Variants in SWAP70 observed in about 807,000 individuals in gnomAD.
The protein encoded by SWAP70 is switch-associated protein 70.
In SWAP70, 34 loss-of-function variants were observed where a neutral mutation model predicts 80.2. The ratio of observed to expected loss-of-function variants is 0.42; its 90% confidence interval spans 0.32 to 0.56. The LOEUF (loss-of-function observed/expected upper bound fraction) is 0.56. SWAP70 is among the 20% of genes least tolerant of loss of function. The probability of loss-of-function intolerance (pLI) is 0.09; values close to 1 mark genes in which losing one functional copy is unlikely to be tolerated. For missense variants in SWAP70, 578 were observed against 690.7 expected (o/e 0.84, Z 1.83); for synonymous variants, 239 against 238.5 (o/e 1.00, Z -0.02).
chr11:9,687,509 T>C (rs1487519687), intron 1 of SWAP70, among the ~76,000 whole-genome samples: 3 of 152,174 alleles, frequency 2.0e-5, no homozygotes, highest in African/African-American at 4.8e-5. Flanking sequence ...TAAAAGAAAA[T>C]ATAAGCATTT....
chr11:9,740,526 T>C (rs912870725), intron 9 of SWAP70, 179 bp downstream of exon 9: 3 of 677,808 alleles, frequency 4.4e-6, no homozygotes, highest in Admixed American at 2.4e-5. Flanking sequence ...AGTGTTTCTT[T>C]TCATTCTGAG....
intron 1 of SWAP70, among the ~76,000 whole-genome samples, chr11:9,683,856 C>A (rs1293077783): frequency 6.6e-6 from 1 of 152,084 alleles, no homozygotes; most frequent in Admixed American, 6.6e-5. Context: ...AGTGGTGCAT[C>A]TCTGTGTCTA....
At chr11:9,680,595 T>C (rs1590014368) in intron 1 of SWAP70, among the ~76,000 whole-genome samples, 1 of 152,074 alleles carries the variant, frequency 6.6e-6, no homozygotes, top group Admixed American at 6.6e-5. Context: ...TTTGTGTTTT[T>C]AGTAGAGAAA....
intron 7 of SWAP70, among the ~76,000 whole-genome samples, 193 bp downstream of exon 7, chr11:9,732,903 T>C (rs554391541): frequency 6.6e-6 from 1 of 152,354 alleles, no homozygotes; most frequent in African/African-American, 2.4e-5. Flanking sequence ...TGAAACTATG[T>C]TGATCTCGGC....
Position 9,728,080 on chromosome 11 carries a change from CG to C in SWAP70, c.672del (p.Asn226ThrfsTer9). 1 of 1,609,636 alleles carries C rather than the reference CG, an allele frequency of 6.2e-7. No homozygotes were observed. Among genetic ancestry groups the C allele is most frequent in the Non-Finnish European group, 8.5e-7 (1 of 1,178,220 alleles). On this transcript the variant is annotated frameshift_variant, in exon 5 of 12. Transcript: ENST00000318950. LOFTEE classifies it high-confidence loss of function. ...TTACATGATGAAAAAGGGCCACAGA[CG>C]GAAAAACTGGACTGAAAGATGGTTT... ...QGYMMKKGHR[R>X]KNWTERWFVL...
At chr11:9,674,064 T>G (rs938919263) in intron 1 of SWAP70, among the ~76,000 whole-genome samples, 1 of 152,104 alleles carries the variant, frequency 6.6e-6, no homozygotes, top group African/African-American at 2.4e-5. Flanking sequence ...CATACCCGGC[T>G]AATTTTTGTA....
chr11:9,728,227 A>G, intron 5 of SWAP70, 28 bp downstream of exon 5: 1 of 1,567,096 alleles, frequency 6.4e-7, no homozygotes, highest in Non-Finnish European at 8.6e-7. Flanking sequence ...TCTTTGCATG[A>G]TTACCCCGTG....
Position 9,713,501 on chromosome 11 carries a change from G to T in SWAP70, c.276G>T (p.Arg92Ser), listed in dbSNP as rs751229828. ...ACTTTGACAAGATTGAATTCAATAG[G>T]ATGTGTTGGACCCTCTGTGTCAAAA... is the stretch of plus-strand genomic sequence containing the variant. Reference protein sequence around the residue: ...QDNFDKIEFNRMCWTLCVKKN... With the variant: ...QDNFDKIEFNSMCWTLCVKKN... The change falls in exon 3 of 12, where the codon AGG becomes AGT. Residue 92 changes from arginine to serine, a missense_variant. Transcript: ENST00000318950. 3.1e-6 allele frequency: 5 copies of T among 1,613,152 alleles called. No individual in the cohort carries two copies. The South Asian group carries it at 5.5e-5, about 18-fold the overall frequency.
intron 3 of SWAP70, among the ~76,000 whole-genome samples, chr11:9,723,326 C>G (rs753911998): frequency 9.2e-5 from 14 of 152,114 alleles, no homozygotes; most frequent in Admixed American, 2.6e-4. Context: ...CCAGCACACA[C>G]ACACACTCAA....
intron 1 of SWAP70, among the ~76,000 whole-genome samples, chr11:9,688,247 C>T (rs1850655789): frequency 1.3e-5 from 2 of 152,196 alleles, no homozygotes; most frequent in Admixed American, 6.5e-5. Context: ...GTGCCATGGG[C>T]ATGCAATGTT....
At chr11:9,737,546 T>C (rs1349497043) in intron 7 of SWAP70, among the ~76,000 whole-genome samples, 2 of 152,126 alleles carry the variant, frequency 1.3e-5, no homozygotes, top group East Asian at 3.8e-4. Flanking sequence ...AAAGTTATAA[T>C]GAATAATGTA....
chr11:9,680,223 G>A (rs937403898), intron 1 of SWAP70, among the ~76,000 whole-genome samples: 7 of 152,090 alleles, frequency 4.6e-5, no homozygotes, highest in Admixed American at 1.3e-4. Flanking sequence ...CCACAATGAC[G>A]CAATATATAA....
At chr11:9,736,640 C>T (rs1216915131) in intron 7 of SWAP70, among the ~76,000 whole-genome samples, 1 of 152,052 alleles carries the variant, frequency 6.6e-6, no homozygotes, top group East Asian at 1.9e-4. Context: ...AACACAGTCA[C>T]CCTGCGAAGA....
chr11:9,721,708 A>G (rs774918990), intron 3 of SWAP70, among the ~76,000 whole-genome samples: 17 of 152,180 alleles, frequency 1.1e-4, no homozygotes, highest in African/African-American at 3.4e-4. Context: ...CCTGGCCCCA[A>G]GTGATGCTCC....
chr11:9,712,824 C>T (rs912343284), intron 2 of SWAP70, among the ~76,000 whole-genome samples: 3 of 151,554 alleles, frequency 2.0e-5, no homozygotes, highest in Non-Finnish European at 2.9e-5. Context: ...CTGCAACCTC[C>T]GCCTCCCGGG....
intron 4 of SWAP70, among the ~76,000 whole-genome samples, chr11:9,727,772 C>T (rs754452522): frequency 6.6e-6 from 1 of 152,132 alleles, no homozygotes; most frequent in Non-Finnish European, 1.5e-5. Flanking sequence ...TTAGAAATCT[C>T]AAATGCTACT....
chr11:9,731,811 G>T (rs372028051), intron 6 of SWAP70, among the ~76,000 whole-genome samples: 2 of 152,270 alleles, frequency 1.3e-5, no homozygotes, highest in East Asian at 3.9e-4. Flanking sequence ...CTAGTGGGGA[G>T]GGGAATCTAG....
At chr11:9,714,807 A>ATTTTT (rs71034737) in intron 3 of SWAP70, among the ~76,000 whole-genome samples, 4 of 127,728 alleles carry the variant, frequency 3.1e-5, no homozygotes, top group African/African-American at 1.3e-4. Flanking sequence ...CCAAAAGGGG[A>ATTTTT]TTTTTTTTTT....
At chr11:9,678,660 C>T (rs1850531278) in intron 1 of SWAP70, among the ~76,000 whole-genome samples, 1 of 149,528 alleles carries the variant, frequency 6.7e-6, no homozygotes, top group Non-Finnish European at 1.5e-5. Context: ...TTTGGGGTCT[C>T]ATCACAGTCC....
Sources: allele counts gnomAD v4.1 joint callset (sites outside exome capture counted in the v4.1 genomes callset), GRCh38; gene constraint gnomAD v4.1.1; transcripts MANE v1.5; gene names NCBI Gene and HGNC (gene_info 2026-07-23, HGNC 2026-07-21).